The following LARGE1 variants were observed in gnomAD, a reference collection of about 807,000 sequenced individuals.
The protein encoded by LARGE1 is xylosyl- and glucuronyltransferase LARGE1.
In LARGE1, 43 loss-of-function variants were observed where a neutral mutation model predicts 87.6. The observed-to-expected ratio is 0.49, with a 90% CI of 0.38 to 0.63. The LOEUF (loss-of-function observed/expected upper bound fraction) is 0.63. LARGE1 is among the 30% of genes least tolerant of loss of function. The pLI is 0.00. For missense variants in LARGE1, 802 were observed against 1,000.2 expected (o/e 0.80, Z 2.67); for synonymous variants, 434 against 394.6 (o/e 1.10, Z -1.18).
At chr22:33,584,716 T>C (rs1387724232) in intron 5 of LARGE1, among the ~76,000 whole-genome samples, 1 of 151,902 alleles carries the variant, frequency 6.6e-6, no homozygotes, top group East Asian at 1.9e-4. Flanking sequence ...TCCATCCATC[T>C]TAATCTTGAA....
chr22:33,285,615 C>A (rs1191180836), intron 12 of LARGE1, among the ~76,000 whole-genome samples: 1 of 149,022 alleles, frequency 6.7e-6, no homozygotes, highest in East Asian at 1.9e-4. Context: ...CAGAGCGAGA[C>A]CCTGTCACAA....
At chr22:33,857,696 G>C (rs576205330) in intron 1 of LARGE1, among the ~76,000 whole-genome samples, 1 of 152,202 alleles carries the variant, frequency 6.6e-6, no homozygotes, top group African/African-American at 2.4e-5. Flanking sequence ...GCAGTTATCT[G>C]CTTAAGACCT....
Position 33,753,846 on chromosome 22 carries a change from G to C in LARGE1, c.106+7525C>G, listed in dbSNP as rs544379014. 2.0e-5 allele frequency among the ~76,000 whole-genome samples: 3 copies of C among 152,246 alleles called. No individual in the cohort carries two copies. In the South Asian group the frequency reaches 6.2e-4, roughly 32 times the overall value. On this transcript the variant is annotated intron_variant, in intron 2 of 14. Transcript: ENST00000397394. ...AGGCCAAGGTGGGCGGGTCACCTGA[G>C]GTCAGGAGTTCAAGACCAGCCTGGC...
intron 1 of LARGE1, among the ~76,000 whole-genome samples, chr22:33,835,273 T>C (rs142415509): frequency 1.0e-3 from 155 of 152,354 alleles, no homozygotes; most frequent in African/African-American, 3.5e-3. Context: ...CATTTACAAT[T>C]CTACACTTTG....
chr22:33,381,889 C>A, intron 9 of LARGE1, 30 bp downstream of exon 9: 1 of 1,613,630 alleles, frequency 6.2e-7, no homozygotes, highest in Non-Finnish European at 8.5e-7. Flanking sequence ...CCTCACCCTA[C>A]CTCCAGGGAT....
intron 2 of LARGE1, among the ~76,000 whole-genome samples, chr22:33,710,587 A>G (rs2082703544): frequency 6.6e-6 from 1 of 152,324 alleles, no homozygotes; most frequent in African/African-American, 2.4e-5. Context: ...GGTTCTTTTA[A>G]TCAGAGGCAT....
At chr22:33,289,265 G>A (rs1454564035) in intron 12 of LARGE1, among the ~76,000 whole-genome samples, 3 of 152,126 alleles carry the variant, frequency 2.0e-5, no homozygotes, top group Non-Finnish European at 4.4e-5. Context: ...GCTGGACCAA[G>A]GAGTTCTTAA....
At chr22:33,555,418 T>C (rs1290202001) in intron 6 of LARGE1, among the ~76,000 whole-genome samples, 1 of 151,358 alleles carries the variant, frequency 6.6e-6, no homozygotes, top group East Asian at 1.9e-4. Context: ...AAAAAAAATA[T>C]GAAAGAGCAG....
chr22:33,835,648 C>G (rs567338048), intron 1 of LARGE1, among the ~76,000 whole-genome samples: 49 of 152,302 alleles, frequency 3.2e-4, no homozygotes, highest in African/African-American at 1.1e-3. Context: ...GTCGTTATAA[C>G]GAAGAGCTAA....
chr22:33,366,853 G>C (rs2146956476), intron 9 of LARGE1, among the ~76,000 whole-genome samples: 1 of 152,012 alleles, frequency 6.6e-6, no homozygotes, highest in East Asian at 1.9e-4. Context: ...TCCTGGCTTT[G>C]CTGAATGGGT....
At chr22:33,783,182 G>C (rs1370040482) in intron 1 of LARGE1, among the ~76,000 whole-genome samples, 1 of 151,730 alleles carries the variant, frequency 6.6e-6, no homozygotes, top group Non-Finnish European at 1.5e-5. Context: ...CACTGGATCT[G>C]TTTCTCTCTC....
chr22:33,103,690 C>A, the LARGE1 span, among the ~76,000 whole-genome samples: 1 of 152,132 alleles, frequency 6.6e-6, no homozygotes, highest in African/African-American at 2.4e-5. Context: ...GTCCTACAAC[C>A]TCAAGGAGCT....
At chr22:33,494,869 G>T (rs1182737861) in intron 6 of LARGE1, among the ~76,000 whole-genome samples, 1 of 152,166 alleles carries the variant, frequency 6.6e-6, no homozygotes, top group African/African-American at 2.4e-5. Context: ...TGGGATCACA[G>T]GGCAAATCTG....
intron 6 of LARGE1, among the ~76,000 whole-genome samples, chr22:33,454,616 TAA>T (rs563852024): frequency 4.9e-4 from 55 of 111,430 alleles, no homozygotes; most frequent in African/African-American, 6.1e-4. Context: ...AGACTCTGTC[TAA>T]AAAAAAAAAA....
intron 1 of LARGE1, among the ~76,000 whole-genome samples, chr22:33,839,944 C>T (rs1239831940): frequency 6.6e-6 from 1 of 152,086 alleles, no homozygotes; most frequent in African/African-American, 2.4e-5. Context: ...TGCATTCAAC[C>T]CTAAAGCCCA....
At chr22:33,486,286 G>A (rs2069568939) in intron 6 of LARGE1, among the ~76,000 whole-genome samples, 1 of 152,250 alleles carries the variant, frequency 6.6e-6, no homozygotes, top group African/African-American at 2.4e-5. Context: ...CCTCTACAGA[G>A]AAGACAGCAT....
At chr22:33,098,345 C>A in the LARGE1 span, among the ~76,000 whole-genome samples, 4 of 152,014 alleles carry the variant, frequency 2.6e-5, no homozygotes, top group Non-Finnish European at 4.4e-5. Context: ...ATAGGCCGGG[C>A]GCAGTGGCTC....
chr22:33,309,471 T>C (rs967175632), intron 11 of LARGE1, among the ~76,000 whole-genome samples: 9 of 152,160 alleles, frequency 5.9e-5, no homozygotes, highest in East Asian at 3.9e-4. Flanking sequence ...CTAGCCTTCA[T>C]GCCCTTTTAA....
chr22:33,553,940 G>C (rs552897449), intron 6 of LARGE1, among the ~76,000 whole-genome samples: 4 of 152,190 alleles, frequency 2.6e-5, no homozygotes, highest in African/African-American at 9.6e-5. Flanking sequence ...CTGATAGAGA[G>C]GTCCATGGAA....
Sources: allele counts gnomAD v4.1 joint callset (sites outside exome capture counted in the v4.1 genomes callset), GRCh38; gene constraint gnomAD v4.1.1; transcripts MANE v1.5; gene names NCBI Gene and HGNC (gene_info 2026-07-23, HGNC 2026-07-21).